Variants in KIAA0825 observed in about 807,000 individuals in gnomAD.
KIAA0825 encodes KIAA0825, also known as uncharacterized protein KIAA0825.
KIAA0825 carries 119 observed loss-of-function variants against 147.6 expected under a neutral mutation model. That is an observed-to-expected ratio of 0.81 (90% CI 0.69 to 0.94). The LOEUF is 0.94. KIAA0825 is among the 40% of genes least tolerant of loss of function. KIAA0825 has a pLI of 0.00. For missense variants in KIAA0825, 1,381 were observed against 1,472.7 expected, an observed-to-expected ratio of 0.94 and a Z score of 1.02; for synonymous variants, 470 against 518.1, an observed-to-expected ratio of 0.91 and a Z score of 1.26.
chr5:94,373,597 T>G (rs1409265614), intron 20 of KIAA0825, among the ~76,000 whole-genome samples: 4 of 151,916 alleles, frequency 2.6e-5, no homozygotes, highest in Non-Finnish European at 5.9e-5. Flanking sequence ...TCTAAAACCA[T>G]CAGATCTCAT....
intron 4 of KIAA0825, among the ~76,000 whole-genome samples, chr5:94,522,027 T>C (rs1402461006): frequency 1.3e-5 from 2 of 151,802 alleles, no homozygotes; most frequent in African/African-American, 4.8e-5. Context: ...TAAATAATTA[T>C]ACCCAATAAT....
chr5:94,373,680 C>A (rs760308410), intron 20 of KIAA0825, among the ~76,000 whole-genome samples: 1 of 152,080 alleles, frequency 6.6e-6, no homozygotes, highest in African/African-American at 2.4e-5. Flanking sequence ...CCCACTGGGT[C>A]CCTCTCATGG....
intron 1 of KIAA0825, among the ~76,000 whole-genome samples, chr5:94,583,567 G>T (rs909621853): frequency 3.3e-5 from 5 of 152,186 alleles, no homozygotes; most frequent in African/African-American, 1.2e-4. Context: ...AAGGCCTACT[G>T]CCTCTCTAGA....
chr5:94,169,715 A>T (rs544793613), intron 20 of KIAA0825, among the ~76,000 whole-genome samples: 1 of 152,192 alleles, frequency 6.6e-6, no homozygotes, highest in Non-Finnish European at 1.5e-5. Flanking sequence ...TCAGGAATTC[A>T]ATTATTTACT....
At chr5:94,427,167 G>A (rs563737751) in intron 14 of KIAA0825, among the ~76,000 whole-genome samples, 2 of 152,292 alleles carry the variant, frequency 1.3e-5, no homozygotes, top group South Asian at 2.1e-4. Flanking sequence ...CCATATGTAA[G>A]TATAAGTAGG....
At chr5:94,208,321 G>A (rs1462110073) in intron 20 of KIAA0825, among the ~76,000 whole-genome samples, 2 of 152,168 alleles carry the variant, frequency 1.3e-5, no homozygotes, top group Admixed American at 1.3e-4. Flanking sequence ...AAGCAAGGGA[G>A]AACACTTACC....
At chr5:94,423,083 C>T (rs1754407475) in intron 14 of KIAA0825, among the ~76,000 whole-genome samples, 1 of 152,126 alleles carries the variant, frequency 6.6e-6, no homozygotes, top group African/African-American at 2.4e-5. Flanking sequence ...CTGATCTCCT[C>T]TCTGTGAAGG....
chr5:94,599,324 T>C (rs1785890405), intron 1 of KIAA0825, among the ~76,000 whole-genome samples: 1 of 147,744 alleles, frequency 6.8e-6, no homozygotes, highest in Non-Finnish European at 1.5e-5. Context: ...AAAATCTGAT[T>C]ATTTGGGTTT....
At chr5:94,465,122 T>G in intron 10 of KIAA0825, 63 bp from the exon 11 acceptor site, 1 of 1,457,096 alleles carries the variant, frequency 6.9e-7, no homozygotes, top group Non-Finnish European at 9.3e-7. Flanking sequence ...ATTTGCTTCC[T>G]ATGAACGTAA....
At chr5:94,385,508 T>C (rs1749013521) in intron 19 of KIAA0825, among the ~76,000 whole-genome samples, 1 of 152,360 alleles carries the variant, frequency 6.6e-6, no homozygotes, top group African/African-American at 2.4e-5. Flanking sequence ...GCAATCCTTC[T>C]CTTCTGCCCT....
intron 5 of KIAA0825, among the ~76,000 whole-genome samples, chr5:94,502,650 A>G (rs1281355992): frequency 6.6e-6 from 1 of 152,212 alleles, no homozygotes; most frequent in Admixed American, 6.5e-5. Flanking sequence ...TTTTTGTAAT[A>G]GAAATGTATC....
chr5:94,240,181 CT>C (rs1303355027), intron 20 of KIAA0825, among the ~76,000 whole-genome samples: 1 of 152,178 alleles, frequency 6.6e-6, no homozygotes, highest in Non-Finnish European at 1.5e-5. Context: ...AGTTGTTTAA[CT>C]TTCAAAACTC....
intron 20 of KIAA0825, among the ~76,000 whole-genome samples, chr5:94,172,451 T>C (rs528707235): frequency 6.6e-6 from 1 of 152,360 alleles, no homozygotes; most frequent in South Asian, 2.1e-4. Context: ...TAGTTATTCA[T>C]TACTGCTTAA....
At chr5:94,385,046 A>G (rs989715235) in intron 19 of KIAA0825, among the ~76,000 whole-genome samples, 2 of 152,210 alleles carry the variant, frequency 1.3e-5, no homozygotes, top group Non-Finnish European at 2.9e-5. Flanking sequence ...GAGAAAAATT[A>G]CTGTGAAAAA....
chr5:94,556,099 C>A (rs894928778), intron 2 of KIAA0825, among the ~76,000 whole-genome samples: 5 of 151,364 alleles, frequency 3.3e-5, no homozygotes, highest in Admixed American at 1.3e-4. Context: ...GTTGCCCAGG[C>A]TGGAGTGCAG....
chr5:94,470,104 A>G lies in KIAA0825; in HGVS notation c.1729T>C (p.Phe577Leu). The G allele has an allele frequency of 6.4e-7, 1 of 1,551,402 alleles. No homozygotes were observed. The highest frequency in any genetic ancestry group is 8.7e-7 in the Non-Finnish European group (1 of 1,146,842). ...LMKEMTKKPI[F>L]LVLVQRYQEF... is the part of the protein sequence containing the mutation. ...TGATATCGTTGGACAAGCACCAGGA[A>G]TATGGGTCTGTTCAGAGAGAATGAT... Residue 577 changes from phenylalanine to leucine, a missense_variant, in exon 10 of 21, where the codon TTC becomes CTC. Physicochemically the swap from Phe to Leu is conservative, Grantham distance 22. Transcript: ENST00000682413.
chr5:94,472,369 C>G (rs1761309261), intron 8 of KIAA0825, among the ~76,000 whole-genome samples: 1 of 152,122 alleles, frequency 6.6e-6, no homozygotes, highest in Admixed American at 6.5e-5. Flanking sequence ...TTGGATCAGT[C>G]AACACAGTTA....
At chr5:94,576,069 C>CAGAG (rs1378458017) in intron 2 of KIAA0825, among the ~76,000 whole-genome samples, 1 of 151,928 alleles carries the variant, frequency 6.6e-6, no homozygotes, top group East Asian at 1.9e-4. Context: ...GTTCAGAATA[C>CAGAG]AGAGGAAGGT....
intron 20 of KIAA0825, among the ~76,000 whole-genome samples, chr5:94,244,147 C>T (rs905950164): frequency 2.6e-5 from 4 of 152,074 alleles, no homozygotes; most frequent in African/African-American, 9.7e-5. Context: ...TGAGATAGGC[C>T]GTTGCTATTT....
Sources: allele counts gnomAD v4.1 joint callset (sites outside exome capture counted in the v4.1 genomes callset), GRCh38; gene constraint gnomAD v4.1.1; transcripts MANE v1.5; gene names NCBI Gene and HGNC (gene_info 2026-07-23, HGNC 2026-07-21).